Variants in CLIC5 observed in about 807,000 individuals in gnomAD.
The protein encoded by CLIC5 is CLIC family member 5, also known as chloride intracellular channel protein 5.
CLIC5 carries 20 observed loss-of-function variants against 24.7 expected under a neutral mutation model. The ratio of observed to expected loss-of-function variants is 0.81; its 90% confidence interval spans 0.57 to 1.18. The LOEUF is 1.18. CLIC5 is among the 50% of genes most tolerant of loss of function. The probability of loss-of-function intolerance (pLI) is 0.00; values close to 1 mark genes in which losing one functional copy is unlikely to be tolerated. For synonymous variants in CLIC5, 159 were observed against 135.6 expected (o/e 1.17, Z -1.20); for missense variants, 341 against 326.1 (o/e 1.05, Z -0.35).
chr6:46,005,950 C>T (rs1381490653), intron 1 of CLIC5, among the ~76,000 whole-genome samples: 1 of 143,416 alleles, frequency 7.0e-6, no homozygotes, highest in Non-Finnish European at 1.5e-5. Context: ...GTCATAGCAG[C>T]TCAAAGAGAT....
intron 4 of CLIC5, chr6:45,920,220 G>T: frequency 1.0e-6 from 1 of 982,216 alleles, no homozygotes; most frequent in Non-Finnish European, 1.2e-6. Context: ...ATGAGGTCAA[G>T]AAGGAGTTTT....
At chr6:45,884,814 A>G (rs1762291081) in intron 6 of CLIC5, among the ~76,000 whole-genome samples, 1 of 152,080 alleles carries the variant, frequency 6.6e-6, no homozygotes, top group African/African-American at 2.4e-5. Flanking sequence ...TAAAGGCTAA[A>G]CAATGACAAC....
At chr6:46,086,563 CTG>C in the CLIC5 span, among the ~76,000 whole-genome samples, 1 of 152,182 alleles carries the variant, frequency 6.6e-6, no homozygotes, top group East Asian at 1.9e-4. Flanking sequence ...CTGGGCTAGA[CTG>C]TGGATGGCCT....
At chr6:46,064,891 G>A (rs1762399103) in intron 1 of CLIC5, among the ~76,000 whole-genome samples, 1 of 151,964 alleles carries the variant, frequency 6.6e-6, no homozygotes, top group Non-Finnish European at 1.5e-5. Context: ...TTCCTAGATA[G>A]CACACAAAAA....
upstream of CLIC5, chr6:46,018,765 T>G (rs1427341971): frequency 4.6e-5 from 7 of 152,234 alleles, no homozygotes; most frequent in African/African-American, 1.7e-4. Flanking sequence ...TGGCAGCACA[T>G]ATTCTAAAAT....
At chr6:46,035,159 T>C (rs1195745479) in intron 1 of CLIC5, among the ~76,000 whole-genome samples, 2 of 152,208 alleles carry the variant, frequency 1.3e-5, no homozygotes, top group East Asian at 1.9e-4. Context: ...TTAAGTGACA[T>C]GTCTCAAGTT....
At chr6:45,922,010 G>T (rs6905962) in intron 4 of CLIC5, among the ~76,000 whole-genome samples, 5,264 of 152,242 alleles carry the variant, frequency 0.035, 292 homozygotes, top group African/African-American at 0.12. Context: ...AACAGGAAAG[G>T]CAGAAAGACA....
intron 1 of CLIC5, among the ~76,000 whole-genome samples, chr6:46,046,256 A>T (rs554018882): frequency 2.0e-5 from 3 of 152,186 alleles, no homozygotes; most frequent in Non-Finnish European, 4.4e-5. Flanking sequence ...ACAATCTCTA[A>T]GGTTCCTTTC....
At chr6:46,079,843 C>A in exon 1 of CLIC5, 1 of 1,552,208 alleles carries the variant, frequency 6.4e-7, no homozygotes, top group Non-Finnish European at 8.7e-7. Context: ...GAAGGCAGAT[C>A]TTCCTTCATC....
chr6:46,036,873 T>C (rs922567623), intron 1 of CLIC5, among the ~76,000 whole-genome samples: 1 of 152,220 alleles, frequency 6.6e-6, no homozygotes, highest in Non-Finnish European at 1.5e-5. Context: ...TAAGAATCAC[T>C]GCACTCCAAA....
chr6:46,018,658 T>C (rs1449421283), upstream of CLIC5: 1 of 152,256 alleles, frequency 6.6e-6, no homozygotes. Context: ...AAAAACACTA[T>C]ATGTCTAATT....
chr6:45,982,402 A>G (rs1765597272), intron 1 of CLIC5, among the ~76,000 whole-genome samples: 2 of 152,142 alleles, frequency 1.3e-5, no homozygotes, highest in Non-Finnish European at 2.9e-5. Context: ...GCTTAATAAT[A>G]GGGATGCATT....
chr6:46,006,127 CAT>C (rs58643121), intron 1 of CLIC5, among the ~76,000 whole-genome samples: 12,762 of 34,436 alleles, frequency 0.37, 1,404 homozygotes, highest in Middle Eastern at 0.44. Flanking sequence ...TGTATAAATA[CAT>C]ATATATATAT....
At chr6:46,086,256 C>T in the CLIC5 span, among the ~76,000 whole-genome samples, 1 of 152,222 alleles carries the variant, frequency 6.6e-6, no homozygotes, top group Non-Finnish European at 1.5e-5. Flanking sequence ...ACCCAGTGTC[C>T]TGTGCCCACT....
At chr6:46,059,462 C>G (rs528322397) in intron 1 of CLIC5, among the ~76,000 whole-genome samples, 4 of 152,178 alleles carry the variant, frequency 2.6e-5, no homozygotes, top group Non-Finnish European at 4.4e-5. Context: ...GAAGTTTTGC[C>G]TCTTTCATGT....
chr6:45,981,299 A>G (rs965193624), intron 1 of CLIC5, among the ~76,000 whole-genome samples: 3 of 151,934 alleles, frequency 2.0e-5, no homozygotes, highest in Non-Finnish European at 2.9e-5. Flanking sequence ...ATTTCATTTT[A>G]CACGTGCTTA....
chr6:45,904,644 G>C (rs1465203363), intron 5 of CLIC5, among the ~76,000 whole-genome samples: 78 of 362 alleles, frequency 0.22, 2 homozygotes, highest in Non-Finnish European at 0.28. Context: ...CCTCTTTTCT[G>C]TCCCTTTCCT....
chr6:46,082,461 CA>C (rs1160605341), upstream of CLIC5, among the ~76,000 whole-genome samples: 1 of 152,226 alleles, frequency 6.6e-6, no homozygotes, highest in Non-Finnish European at 1.5e-5. Context: ...TAGTGAAAGC[CA>C]AAGTCCTTAC....
chr6:46,005,552 T>C (rs73738331), intron 1 of CLIC5, among the ~76,000 whole-genome samples: 3,173 of 152,284 alleles, frequency 0.021, 115 homozygotes, highest in African/African-American at 0.07. Flanking sequence ...TCTTCCACTT[T>C]ATAAACAAAA....
Sources: gnomAD v4.1 joint callset for allele counts (sites outside exome capture counted in the v4.1 genomes callset) on GRCh38, gnomAD v4.1.1 for gene constraint, MANE v1.5 for transcripts, NCBI Gene and HGNC (gene_info 2026-07-23, HGNC 2026-07-21) for gene names.